Variants in AOAH observed in about 807,000 individuals in gnomAD.
The protein encoded by AOAH is acyloxyacyl hydrolase (neutrophil).
In AOAH, 64 loss-of-function variants were observed where a neutral mutation model predicts 92.2. The ratio of observed to expected loss-of-function variants is 0.69; its 90% CI spans 0.57 to 0.86. The LOEUF is 0.86. Ranked by LOEUF, AOAH falls within the 40% of genes least tolerant of loss-of-function variation. The pLI is 0.00. For missense variants in AOAH, 656 were observed against 694.6 expected, an observed-to-expected ratio of 0.94 and a Z score of 0.62; for synonymous variants, 263 against 254.5, an observed-to-expected ratio of 1.03 and a Z score of -0.32.
chr7:36,692,179 A>G (rs1468040586), intron 1 of AOAH, among the ~76,000 whole-genome samples: 1 of 152,234 alleles, frequency 6.6e-6, no homozygotes, highest in Non-Finnish European at 1.5e-5. Flanking sequence ...ACGTGATACC[A>G]CACATAAAAT....
chr7:36,514,338 C>G, intron 20 of AOAH: 1 of 652,092 alleles, frequency 1.5e-6, no homozygotes, highest in Non-Finnish European at 2.6e-6. Context: ...TGGAGGCTGG[C>G]TGGGTCCCTG....
chr7:36,680,256 G>A (rs569967568), intron 2 of AOAH, among the ~76,000 whole-genome samples: 3 of 152,268 alleles, frequency 2.0e-5, no homozygotes, highest in East Asian at 1.9e-4. Flanking sequence ...AGCAGTGGAT[G>A]AAACTGAGGG....
At chr7:36,718,981 A>G (rs935446225) in intron 1 of AOAH, among the ~76,000 whole-genome samples, 2 of 152,252 alleles carry the variant, frequency 1.3e-5, no homozygotes, top group Admixed American at 1.3e-4. Context: ...AATATGGGAA[A>G]AATATTTTAC....
intron 11 of AOAH, among the ~76,000 whole-genome samples, chr7:36,603,725 A>G (rs1790775795): frequency 6.6e-6 from 1 of 152,198 alleles, no homozygotes; most frequent in African/African-American, 2.4e-5. Context: ...CCCAAGGGCC[A>G]TAGTTTTCTG....
chr7:36,643,914 C>G (rs928761144), intron 4 of AOAH, among the ~76,000 whole-genome samples: 1 of 152,152 alleles, frequency 6.6e-6, no homozygotes, highest in Non-Finnish European at 1.5e-5. Context: ...CTGAGGCCTC[C>G]CCAGCCATGC....
At position 36,614,512 on chromosome 7, in the gene AOAH, C is replaced by T. The variant is rs1046206995; in HGVS notation, c.846+1868G>A. ...CATGTGTGAGCGAGGGGACTGGAAA[C>T]GGGGTCGACTCTGGATCCTGTCTCC... On this transcript the variant is annotated intron_variant, in intron 11 of 20. Transcript: ENST00000617537. This position sits in a 1 kb window ranked among gnomAD's most constrained non-coding sequence, Gnocchi z 4.2. 1.3e-5 allele frequency among the ~76,000 whole-genome samples: 2 copies of T among 152,144 alleles called. No homozygotes were observed. Among genetic ancestry groups the T allele is most frequent in the Non-Finnish European group, 1.5e-5 (1 of 68,022 alleles).
intron 16 of AOAH, among the ~76,000 whole-genome samples, chr7:36,532,762 G>A (rs1330533483): frequency 6.6e-6 from 1 of 152,206 alleles, no homozygotes; most frequent in Non-Finnish European, 1.5e-5. Flanking sequence ...CATTCGAGGT[G>A]GCGGTTGACC....
intron 4 of AOAH, among the ~76,000 whole-genome samples, chr7:36,640,806 C>T (rs377177148): frequency 6.6e-6 from 1 of 151,970 alleles, no homozygotes; most frequent in Non-Finnish European, 1.5e-5. Flanking sequence ...TGGCTCCAAC[C>T]CTGGGCATCA....
chr7:36,634,854 A>G (rs995640863), intron 5 of AOAH, among the ~76,000 whole-genome samples: 4 of 152,232 alleles, frequency 2.6e-5, no homozygotes, highest in African/African-American at 9.6e-5. Context: ...AAGGTGCAAT[A>G]GAATACTATT....
At chr7:36,696,813 C>T (rs1181415234) in intron 1 of AOAH, among the ~76,000 whole-genome samples, 4 of 151,480 alleles carry the variant, frequency 2.6e-5, no homozygotes, top group Non-Finnish European at 5.9e-5. Context: ...TGCAGTGAGC[C>T]GAGATCATGC....
At chr7:36,648,519 T>C (rs183199005) in intron 4 of AOAH, among the ~76,000 whole-genome samples, 157 of 152,246 alleles carry the variant, frequency 1.0e-3, no homozygotes, top group African/African-American at 3.7e-3. Flanking sequence ...CCATTTGTCT[T>C]TTGACTTTGT....
intron 5 of AOAH, among the ~76,000 whole-genome samples, chr7:36,634,802 CTA>C (rs1793407203): frequency 6.6e-6 from 1 of 152,162 alleles, no homozygotes; most frequent in African/African-American, 2.4e-5. Context: ...TAATAGCAAA[CTA>C]TTAAAAATTG....
At chr7:36,650,607 G>T (rs998835639) in intron 4 of AOAH, among the ~76,000 whole-genome samples, 1 of 152,188 alleles carries the variant, frequency 6.6e-6, no homozygotes, top group Non-Finnish European at 1.5e-5. Flanking sequence ...CAGAGCAGGC[G>T]CCCTGGGATG....
chr7:36,635,672 A>G (rs1226978914), intron 5 of AOAH, among the ~76,000 whole-genome samples: 1 of 152,188 alleles, frequency 6.6e-6, no homozygotes, highest in Non-Finnish European at 1.5e-5. Flanking sequence ...GGTGCTCCCC[A>G]AAGTTTAGTA....
At chr7:36,547,472 A>C (rs1411356616) in intron 15 of AOAH, among the ~76,000 whole-genome samples, 2 of 152,244 alleles carry the variant, frequency 1.3e-5, no homozygotes, top group Admixed American at 1.3e-4. Flanking sequence ...GGCGTATGAA[A>C]TACAGGAAAG....
intron 2 of AOAH, among the ~76,000 whole-genome samples, chr7:36,684,189 C>G (rs1796823519): frequency 6.6e-6 from 1 of 152,090 alleles, no homozygotes; most frequent in South Asian, 2.1e-4. Flanking sequence ...AGGAAACTAT[C>G]GAAGGTTACT....
At chr7:36,567,353 A>T (rs1475668749) in intron 13 of AOAH, among the ~76,000 whole-genome samples, 2 of 152,160 alleles carry the variant, frequency 1.3e-5, no homozygotes, top group African/African-American at 4.8e-5. Context: ...TATGAGACAG[A>T]CAGGGCTTAA....
intron 11 of AOAH, among the ~76,000 whole-genome samples, chr7:36,611,696 G>A (rs1239458909): frequency 6.6e-6 from 1 of 152,192 alleles, no homozygotes; most frequent in Admixed American, 6.5e-5. Flanking sequence ...AGCAGGAACA[G>A]GGAGGACAAG....
At position 36,608,465 on chromosome 7, in the gene AOAH, G is replaced by T. The variant is rs568984784; in HGVS notation, c.846+7915C>A. Among the ~76,000 whole-genome samples the T allele has an allele frequency of 3.3e-5, 5 of 152,324 alleles. No homozygotes were observed. In the East Asian group the frequency reaches 9.6e-4, roughly 29 times the overall value. On this transcript the variant is annotated intron_variant, in intron 11 of 20. Coordinates refer to ENST00000617537, the MANE Select transcript of AOAH (RefSeq NM_001637.4). ...AAGGTGGGAATAATTTGTCCACATT[G>T]TCTCAGGCCTTAGCTAAAATGTAGA...
Sources: gnomAD v4.1 joint callset for allele counts (sites outside exome capture counted in the v4.1 genomes callset) on GRCh38, gnomAD v4.1.1 for gene constraint, Gnocchi (gnomAD v3.1) non-coding constraint, MANE v1.5 for transcripts, NCBI Gene and HGNC (gene_info 2026-07-23, HGNC 2026-07-21) for gene names.